ARRB1: variants seen among roughly 807,000 people sequenced by gnomAD.
ARRB1 encodes the protein beta-arrestin-1.
A neutral mutation model predicts 56.8 loss-of-function variants in ARRB1; 21 were observed. That is an observed-to-expected ratio of 0.37 (90% CI 0.26 to 0.53). The LOEUF is 0.53. Ranked by LOEUF, ARRB1 falls within the 20% of genes least tolerant of loss-of-function variation. The pLI is 0.88. For missense variants in ARRB1, 424 were observed against 553.7 expected (o/e 0.77, Z 2.35); for synonymous variants, 210 against 218.6 (o/e 0.96, Z 0.35).
At position 75,281,156 on chromosome 11, in the gene ARRB1, G is replaced by A. The variant is rs1305106234; in HGVS notation, c.415-14C>T. 47 of 1,588,822 alleles carry A rather than the reference G, an allele frequency of 3.0e-5. No individual in the cohort carries two copies. Among genetic ancestry groups the A allele is most frequent in the Non-Finnish European group, 3.7e-5 (43 of 1,166,618 alleles). ...CACACCGCAAGCCTGTGGGGAAGGG[G>A]TCACTGACCACAGGGCCTTGGAGAA... On this transcript the variant is annotated splice_polypyrimidine_tract_variant and intron_variant, in intron 6 of 15. Transcript: ENST00000420843.
At chr11:75,343,598 A>T (rs1947721548) in intron 1 of ARRB1, among the ~76,000 whole-genome samples, 1 of 152,188 alleles carries the variant, frequency 6.6e-6, no homozygotes, top group African/African-American at 2.4e-5. Context: ...GAGCCACAGC[A>T]GAGAAAGGGT....
At chr11:75,317,874 T>C (rs1340790624) in intron 1 of ARRB1, among the ~76,000 whole-genome samples, 1 of 152,092 alleles carries the variant, frequency 6.6e-6, no homozygotes, top group East Asian at 1.9e-4. Flanking sequence ...CTAGCCTGGG[T>C]CACGGCAGGG....
At chr11:75,295,221 C>CAAAAA (rs34666904) in intron 1 of ARRB1, among the ~76,000 whole-genome samples, 3 of 73,064 alleles carry the variant, frequency 4.1e-5, no homozygotes, top group Admixed American at 1.7e-4. Flanking sequence ...AACCCTGTCT[C>CAAAAA]AAAAAAAAAA....
chr11:75,288,511 C>A (rs567446092), intron 2 of ARRB1, among the ~76,000 whole-genome samples: 1 of 152,340 alleles, frequency 6.6e-6, no homozygotes, highest in Admixed American at 6.5e-5. Flanking sequence ...TCTCCATCCC[C>A]ACAGCCACTC....
intron 8 of ARRB1, among the ~76,000 whole-genome samples, chr11:75,278,253 G>A (rs1469716328): frequency 6.6e-6 from 1 of 152,124 alleles, no homozygotes; most frequent in East Asian, 1.9e-4. Context: ...TGGCAGGAAG[G>A]TCACGGCCCC....
At chr11:75,278,499 G>A in intron 8 of ARRB1, 110 bp downstream of exon 8, 2 of 1,471,150 alleles carry the variant, frequency 1.4e-6, no homozygotes, top group Non-Finnish European at 1.8e-6. Context: ...CTTGGGCTGG[G>A]GATAGAAGCT....
intron 1 of ARRB1, among the ~76,000 whole-genome samples, chr11:75,291,804 A>G (rs1223903626): frequency 6.6e-6 from 1 of 152,234 alleles, no homozygotes; most frequent in Non-Finnish European, 1.5e-5. Flanking sequence ...AGCCATGGAC[A>G]GAGGAGTAGG....
chr11:75,337,660 C>A (rs1181737159), intron 1 of ARRB1, among the ~76,000 whole-genome samples: 1 of 152,084 alleles, frequency 6.6e-6, no homozygotes, highest in African/African-American at 2.4e-5. Flanking sequence ...ATCCGGGAAG[C>A]CTGCACAGTG....
intron 1 of ARRB1, among the ~76,000 whole-genome samples, chr11:75,339,749 G>A (rs1216293918): frequency 6.6e-6 from 1 of 152,212 alleles, no homozygotes; most frequent in South Asian, 2.1e-4. Context: ...CATGAGGGCA[G>A]AGACTTGTCT....
At chr11:75,315,802 A>G (rs921827643) in intron 1 of ARRB1, among the ~76,000 whole-genome samples, 2 of 149,640 alleles carry the variant, frequency 1.3e-5, no homozygotes, top group African/African-American at 5.0e-5. Flanking sequence ...TGAAAGGCAC[A>G]CTGTGGACCC....
chr11:75,293,413 C>T (rs1388721456), intron 1 of ARRB1, among the ~76,000 whole-genome samples: 1 of 152,170 alleles, frequency 6.6e-6, no homozygotes, highest in Non-Finnish European at 1.5e-5. Flanking sequence ...GACTTCCTGA[C>T]CCTAACACTA....
chr11:75,306,736 A>C lies in ARRB1; in HGVS notation c.21-16697T>G, dbSNP rs936083093. On this transcript the variant is annotated intron_variant, in intron 1 of 15. Coordinates refer to ENST00000420843, the MANE Select transcript of ARRB1 (RefSeq NM_004041.5). ...AGCCCCAAGTGAGGGGTTAGTTACA[A>C]AGAAAAGGAAAAGGCGTTCCTGATA... The C allele has an allele frequency of 8.5e-6, 10 of 1,177,906 alleles. No individual in the cohort carries two copies. In the African/African-American group the frequency reaches 1.6e-4, roughly 19 times the overall value. The allele number at this position is 1,177,906 out of a possible 1,614,324, so 73.0% of individuals were successfully genotyped here. A position where few individuals can be genotyped will look rare whatever the true frequency, so the allele number is the denominator to read the frequency against.
At chr11:75,324,423 G>A (rs1405986310) in intron 1 of ARRB1, among the ~76,000 whole-genome samples, 1 of 152,168 alleles carries the variant, frequency 6.6e-6, no homozygotes, top group South Asian at 2.1e-4. Flanking sequence ...AGCCGCCCTC[G>A]TCAGCCTCAG....
rs117082458 is a variant in ARRB1 at position 75,318,179 on chromosome 11, G to C, written c.21-28140C>G. Among the ~76,000 whole-genome samples, 6 of 130,210 alleles carry C rather than the reference G, an allele frequency of 4.6e-5. 1 individual carries two copies. The highest frequency in any genetic ancestry group is 8.1e-5 in the Non-Finnish European group (5 of 61,866). 85.4% of individuals were successfully genotyped at this position (130,210 alleles called of 152,430 possible). On this transcript the variant is annotated intron_variant, in intron 1 of 15. Transcript: ENST00000420843. ...TTTTTTTTTTTTTTTTTTTTTGAGA[G>C]AGAGAGAGATTGGATCTCACTCTGT...
chr11:75,295,407 A>G (rs1946714825), intron 1 of ARRB1, among the ~76,000 whole-genome samples: 1 of 152,008 alleles, frequency 6.6e-6, no homozygotes, highest in Middle Eastern at 3.2e-3. Context: ...GGCTGCCCAC[A>G]TTCCTTGGCT....
chr11:75,314,638 T>C (rs1175002474), intron 1 of ARRB1, among the ~76,000 whole-genome samples: 1 of 152,150 alleles, frequency 6.6e-6, no homozygotes, highest in Non-Finnish European at 1.5e-5. Context: ...AAAAACTTTG[T>C]TGCCCAGGCT....
intron 1 of ARRB1, among the ~76,000 whole-genome samples, chr11:75,332,874 G>T (rs571313195): frequency 1.3e-5 from 2 of 151,782 alleles, no homozygotes; most frequent in African/African-American, 4.8e-5. Context: ...TGGCCTGGGC[G>T]ACAGAGTGAG....
At position 75,262,811 on chromosome 11, in the gene ARRB1, C is replaced by T. The variant is rs987280089; in HGVS notation, c.*3352G>A. On this transcript the variant is annotated 3_prime_UTR_variant, in exon 16 of 16. Transcript: ENST00000420843. ...CAGGACAGAGTTCCTTTCACTGCAC[C>T]ATGTAGGAACCAGCTTGTCAGGAAC... Among the ~76,000 whole-genome samples the T allele has an allele frequency of 6.6e-6, 1 of 152,156 alleles. No individual in the cohort carries two copies. Among genetic ancestry groups the T allele is most frequent in the African/African-American group, 2.4e-5 (1 of 41,428 alleles).
chr11:75,306,836 G>A, intron 1 of ARRB1: 1 of 395,736 alleles, frequency 2.5e-6, no homozygotes, highest in Non-Finnish European at 4.6e-6. Flanking sequence ...GCAGCACTCT[G>A]CCTGTACACA....
Sources: gnomAD v4.1 joint callset for allele counts (sites outside exome capture counted in the v4.1 genomes callset) on GRCh38, gnomAD v4.1.1 for gene constraint, MANE v1.5 for transcripts, NCBI Gene and HGNC (gene_info 2026-07-23, HGNC 2026-07-21) for gene names.